LRR1: variants seen among roughly 807,000 people sequenced by gnomAD.
LRR1 encodes leucine rich repeat protein 1, also known as leucine-rich repeat protein 1.
LRR1 carries 29 observed loss-of-function variants against 31.6 expected under a neutral mutation model. The observed-to-expected ratio is 0.92, with a 90% confidence interval of 0.68 to 1.25. The LOEUF is 1.25. LRR1 is among the 50% of genes most tolerant of loss of function. The pLI is 0.00. For missense variants in LRR1, 485 were observed against 487.2 expected (o/e 1.00, Z 0.04); for synonymous variants, 179 against 181.4 (o/e 0.99, Z 0.10).
chr14:49,603,082 C>T (rs921351844), intron 2 of LRR1, among the ~76,000 whole-genome samples: 10 of 151,542 alleles, frequency 6.6e-5, no homozygotes, highest in African/African-American at 2.4e-4. Flanking sequence ...TGAACTCAGG[C>T]GATCCACCCA....
At chr14:49,601,250 A>C in intron 1 of LRR1, 1 of 1,249,610 alleles carries the variant, frequency 8.0e-7, no homozygotes, top group Non-Finnish European at 1.1e-6. Flanking sequence ...AGCATCCTGC[A>C]CTTGCCTTGT....
At chr14:49,605,391 TA>T (rs1309469931) in intron 2 of LRR1, among the ~76,000 whole-genome samples, 3 of 152,152 alleles carry the variant, frequency 2.0e-5, no homozygotes, top group Non-Finnish European at 4.4e-5. Context: ...TTACTGATTT[TA>T]AAAAAAGAAA....
chr14:49,613,631 A>C (rs1199118051), intron 3 of LRR1, among the ~76,000 whole-genome samples: 3 of 151,334 alleles, frequency 2.0e-5, no homozygotes, highest in African/African-American at 7.3e-5. Flanking sequence ...ACATGGTGAA[A>C]CCTCGTCTCT....
intron 3 of LRR1, among the ~76,000 whole-genome samples, chr14:49,609,333 C>A (rs1882426039): frequency 6.7e-6 from 1 of 149,662 alleles, no homozygotes; most frequent in Non-Finnish European, 1.5e-5. Flanking sequence ...TCAAGCAACT[C>A]TTCTGCCTCA....
In LRR1 at chr14:49,607,606, C is replaced by G. The variant is rs1882333018; in HGVS notation, c.489C>G (p.Tyr163Ter). ...CCTTGGAACATCTTCAGACTTCTTA[C>G]TGTGGGCTTGTCCGAGTTGATATGC... ...PYSLEHLQTS[Y>*]CGLVRVDMRM... Residue 163 changes from tyrosine (Y) to a stop codon, truncating the protein, a stop_gained, in exon 3 of 4, where the codon TAC (tyrosine) becomes TAG (stop). Coordinates refer to ENST00000298288, the MANE Select transcript of LRR1 (RefSeq NM_152329.4). LOFTEE classifies it high-confidence loss of function. 1 of 1,614,096 alleles carries G rather than the reference C, an allele frequency of 6.2e-7. No individual in the cohort carries two copies. The highest frequency in any genetic ancestry group is 1.3e-5 in the African/African-American group (1 of 74,940).
intron 2 of LRR1, chr14:49,603,710 A>ATTTTTTTTTTTTTTTTTTTTTTT: frequency 7.5e-6 from 1 of 132,726 alleles, no homozygotes. Flanking sequence ...TTTTTTTTTA[A>ATTTTTTTTTTTTTTTTTTTTTTT]TGAGACAGAG....
In LRR1 at chr14:49,607,622, G is replaced by A. The variant is rs959282000; in HGVS notation, c.505G>A (p.Val169Ile). 1 of 1,614,188 alleles carries A rather than the reference G, an allele frequency of 6.2e-7. No individual in the cohort carries two copies. Among genetic ancestry groups the A allele is most frequent in the Non-Finnish European group, 8.5e-7 (1 of 1,180,026 alleles). The change falls in exon 3 of 4, where the codon GTT becomes ATT. Residue 169 changes from valine to isoleucine, a missense_variant. This residue lies in a region of LRR1 where 260 missense variants were observed against 249.6 expected (regional missense o/e 1.04). Coordinates refer to ENST00000298288, the MANE Select transcript of LRR1 (RefSeq NM_152329.4). ...GACTTCTTACTGTGGGCTTGTCCGA[G>A]TTGATATGCGTATGCTTTGCTTAAA... Reference protein sequence around the residue: ...LQTSYCGLVRVDMRMLCLKSL... With the variant: ...LQTSYCGLVRIDMRMLCLKSL...
intron 2 of LRR1, among the ~76,000 whole-genome samples, chr14:49,604,739 T>C (rs1882218426): frequency 6.6e-6 from 1 of 152,088 alleles, no homozygotes; most frequent in Admixed American, 6.6e-5. Context: ...GCCACTGTAC[T>C]CCAGCATGGG....
intron 2 of LRR1, 38 bp downstream of exon 2, chr14:49,602,506 G>A: frequency 6.5e-7 from 1 of 1,529,964 alleles, no homozygotes; most frequent in South Asian, 1.1e-5. Flanking sequence ...ATATTTGGCT[G>A]TATTTTCTTT....
intron 3 of LRR1, among the ~76,000 whole-genome samples, chr14:49,613,256 A>G (rs77532391): frequency 6.7e-6 from 1 of 149,734 alleles, no homozygotes. Flanking sequence ...GGAGAATGGC[A>G]TGAACCCGGG....
intron 3 of LRR1, among the ~76,000 whole-genome samples, chr14:49,609,785 T>C (rs1882445684): frequency 6.6e-6 from 1 of 151,360 alleles, no homozygotes; most frequent in Non-Finnish European, 1.5e-5. Context: ...GGCTCAACTA[T>C]AACCTCTGCC....
chr14:49,608,145 TGTG>T (rs775029352), intron 3 of LRR1, 24 bp downstream of exon 3: 38 of 1,519,600 alleles, frequency 2.5e-5, no homozygotes, highest in African/African-American at 7.0e-5. Flanking sequence ...AGTCATGTAA[TGTG>T]GTGTCTTTGA....
At chr14:49,604,139 CA>C (rs770594061) in intron 2 of LRR1, among the ~76,000 whole-genome samples, 170 of 119,334 alleles carry the variant, frequency 1.4e-3, no homozygotes, top group Middle Eastern at 4.3e-3. Flanking sequence ...CCTGTCTCCA[CA>C]AAAAAAAAAA....
intron 2 of LRR1, among the ~76,000 whole-genome samples, chr14:49,604,336 C>A (rs144764215): frequency 6.6e-6 from 1 of 151,356 alleles, no homozygotes; most frequent in East Asian, 2.0e-4. Context: ...AACAAAAATA[C>A]CATAAACTGG....
rs778848000 is a variant in LRR1, at chr14:49,614,486, T to C, written c.1235T>C (p.Met412Thr). 22 of 1,613,618 alleles carry C rather than the reference T, an allele frequency of 1.4e-5. No individual in the cohort carries two copies. Among genetic ancestry groups the C allele is most frequent in the Non-Finnish European group, 1.5e-5 (18 of 1,179,784 alleles). Residue 412 changes from methionine (M) to threonine (T), a missense_variant, in exon 4 of 4, where the codon ATG (methionine) becomes ACG (threonine). Transcript: ENST00000298288. Reference protein sequence around the residue: ...SLGCYVNSSDMLK With the variant: ...SLGCYVNSSDTLK ...GGCTGTTATGTTAATTCCTCTGATATGTTAAAGTAATGGGTGAGACCAGAA... is the reference window on the plus strand; with the variant it reads ...GGCTGTTATGTTAATTCCTCTGATACGTTAAAGTAATGGGTGAGACCAGAA...
chr14:49,610,599 C>T (rs1231671065), intron 3 of LRR1, among the ~76,000 whole-genome samples: 4 of 151,432 alleles, frequency 2.6e-5, no homozygotes, highest in South Asian at 2.1e-4. Context: ...CTCTTTCACT[C>T]TTGCCCGGGC....
chr14:49,604,820 TTTCTGCC>T (rs147933505), intron 2 of LRR1, among the ~76,000 whole-genome samples: 74,773 of 151,288 alleles, frequency 0.49, 19,078 homozygotes, highest in Middle Eastern at 0.57. Context: ...TGGTGGTTTT[TTTCTGCC>T]TTCTGCCCTC....
intron 3 of LRR1, 71 bp downstream of exon 3, chr14:49,608,192 A>G: frequency 1.4e-6 from 2 of 1,431,460 alleles, no homozygotes; most frequent in Non-Finnish European, 1.8e-6. Context: ...ACTCAGAGTA[A>G]TAAAGTCTAA....
At chr14:49,605,398 A>G (rs914458734) in intron 2 of LRR1, among the ~76,000 whole-genome samples, 2 of 152,214 alleles carry the variant, frequency 1.3e-5, no homozygotes, top group Non-Finnish European at 2.9e-5. Flanking sequence ...TTTTAAAAAA[A>G]GAAAACAAAT....
Sources: allele counts gnomAD v4.1 joint callset (sites outside exome capture counted in the v4.1 genomes callset), GRCh38; gene constraint gnomAD v4.1.1; regional missense constraint gnomAD v4.1.1; transcripts MANE v1.5; gene names NCBI Gene and HGNC (gene_info 2026-07-23, HGNC 2026-07-21).